The following TRIM2 variants were observed in gnomAD, a reference collection of about 807,000 sequenced individuals.
TRIM2 encodes tripartite motif containing 2, also known as tripartite motif-containing protein 2.
Under a neutral mutation model 75.2 loss-of-function variants are expected in TRIM2, and 20 were observed. That is an observed-to-expected ratio of 0.27 (90% CI 0.19 to 0.39). TRIM2 has a LOEUF of 0.39. Among genes scored for constraint, TRIM2 ranks in the 10% least tolerant of loss-of-function variants. The pLI, the probability that TRIM2 is intolerant of heterozygous loss-of-function variation, is 1.00. For missense variants in TRIM2, 660 were observed against 990.8 expected, an observed-to-expected ratio of 0.67 and a Z score of 4.48; for synonymous variants, 373 against 388.3, an observed-to-expected ratio of 0.96 and a Z score of 0.46.
At chr4:153,239,957 C>T (rs751825820) in intron 1 of TRIM2, among the ~76,000 whole-genome samples, 2 of 151,780 alleles carry the variant, frequency 1.3e-5, no homozygotes, top group Non-Finnish European at 2.9e-5. Flanking sequence ...GTCTCAGCCT[C>T]CCGAGTAGTT....
rs548680091 is a variant in TRIM2, at chr4:153,290,436, T to C, written c.454-2546T>C. Among the ~76,000 whole-genome samples, 8 of 152,204 alleles carry C rather than the reference T, an allele frequency of 5.3e-5. No homozygotes were observed. The South Asian group carries it at 1.2e-3, about 24-fold the overall frequency. On this transcript the variant is annotated intron_variant, in intron 3 of 11. Coordinates refer to ENST00000338700, the MANE Select transcript of TRIM2 (RefSeq NM_015271.5). ...AGTCTTCCCTCACTGGGGAAATCCC[T>C]TGGAAGTACCCCTTAGCTCATATTG... is the stretch of plus-strand genomic sequence containing the variant.
At chr4:153,245,876 GC>G (rs201334120) in intron 1 of TRIM2, among the ~76,000 whole-genome samples, 5,868 of 152,104 alleles carry the variant, frequency 0.039, 119 homozygotes, top group Non-Finnish European at 0.046. Flanking sequence ...ACAGGGTTTT[GC>G]CATGTTGCCC....
chr4:153,234,936 C>A (rs529251863), intron 1 of TRIM2, among the ~76,000 whole-genome samples: 1 of 152,188 alleles, frequency 6.6e-6, no homozygotes. Flanking sequence ...TAACCTTCCC[C>A]GTGCCCTGTC....
rs1158255544 is a variant in TRIM2, at chr4:153,336,437, A to G, written c.*1471A>G. On this transcript the variant is annotated 3_prime_UTR_variant, in exon 12 of 12. Transcript: ENST00000338700. ...TGAACTTGAGTTACATTTAATTTAA[A>G]TATAAATGCATTTTGAGAAATGTTA... The G allele has an allele frequency of 1.0e-6, 1 of 985,314 alleles. No individual in the cohort carries two copies. Among genetic ancestry groups the G allele is most frequent in the Non-Finnish European group, 1.2e-6 (1 of 829,620 alleles). The allele number at this position is 985,314 out of a possible 1,614,324, so 61.0% of individuals were successfully genotyped here. A position where few individuals can be genotyped will look rare whatever the true frequency, so the allele number is the denominator to read the frequency against.
chr4:153,210,120 A>G (rs1736580559), intron 1 of TRIM2, among the ~76,000 whole-genome samples: 1 of 138,398 alleles, frequency 7.2e-6, no homozygotes, highest in Non-Finnish European at 1.5e-5. Context: ...GCTGGAGAGC[A>G]GTGGCGAGAT....
intron 6 of TRIM2, among the ~76,000 whole-genome samples, chr4:153,296,712 T>C (rs1013570887): frequency 1.8e-4 from 28 of 152,170 alleles, no homozygotes; most frequent in African/African-American, 6.8e-4. Flanking sequence ...CTCCTCTGAT[T>C]TATGGTCTCT....
At chr4:153,247,048 G>T (rs1021339984) in intron 1 of TRIM2, among the ~76,000 whole-genome samples, 5 of 152,142 alleles carry the variant, frequency 3.3e-5, no homozygotes, top group African/African-American at 7.2e-5. Context: ...CAAAACTGAC[G>T]CTGGAAGGGG....
intron 1 of TRIM2, among the ~76,000 whole-genome samples, chr4:153,209,052 C>T (rs1736229083): frequency 6.6e-6 from 1 of 152,096 alleles, no homozygotes; most frequent in Non-Finnish European, 1.5e-5. Context: ...TTATGAAAAA[C>T]CCTGGGAAAA....
chr4:153,308,080 A>AAGTACCTATCTTG, intron 6 of TRIM2: 1 of 829,198 alleles, frequency 1.2e-6, no homozygotes, highest in Non-Finnish European at 2.1e-6. Context: ...TACCTATCAA[A>AAGTACCTATCTTG]TACTTTCTGG....
chr4:153,321,021 C>G (rs549685501), intron 8 of TRIM2, among the ~76,000 whole-genome samples: 22 of 152,342 alleles, frequency 1.4e-4, no homozygotes, highest in African/African-American at 5.0e-4. Context: ...TATAGTTTCC[C>G]TGACTTAACA....
chr4:153,318,716 C>A (rs994119313), intron 8 of TRIM2, among the ~76,000 whole-genome samples: 1 of 152,118 alleles, frequency 6.6e-6, no homozygotes, highest in African/African-American at 2.4e-5. Context: ...GAAGCTAATA[C>A]TAAAATAGGT....
At chr4:153,244,322 T>TTCCTCTTCC (rs1560873859) in intron 1 of TRIM2, among the ~76,000 whole-genome samples, 1 of 15,794 alleles carries the variant, frequency 6.3e-5, no homozygotes, top group Non-Finnish European at 1.0e-4. Context: ...CCTCCTCCTC[T>TTCCTCTTCC]TCTTCTTCTT....
chr4:153,198,283 G>A (rs1056376285), intron 1 of TRIM2, among the ~76,000 whole-genome samples: 3 of 152,120 alleles, frequency 2.0e-5, no homozygotes, highest in East Asian at 1.9e-4. Flanking sequence ...CAGAATTCCC[G>A]CATGTTGTGG....
upstream of TRIM2, among the ~76,000 whole-genome samples, chr4:153,203,103 CAAAAAA>C (rs200371158): frequency 2.3e-5 from 2 of 87,324 alleles, no homozygotes; most frequent in African/African-American, 3.2e-5. Context: ...GACTCCATCT[CAAAAAA>C]AAAAAAAAAA....
intron 11 of TRIM2, among the ~76,000 whole-genome samples, chr4:153,330,093 C>G (rs1009269191): frequency 2.6e-5 from 4 of 152,092 alleles, no homozygotes; most frequent in African/African-American, 7.2e-5. Context: ...GACAACTCCT[C>G]AAAAAATACC....
chr4:153,274,052 G>A (rs1757488575), intron 2 of TRIM2, among the ~76,000 whole-genome samples: 1 of 152,220 alleles, frequency 6.6e-6, no homozygotes, highest in African/African-American at 2.4e-5. Flanking sequence ...AAGTATGTAG[G>A]TGCTAGGCCA....
intron 1 of TRIM2, among the ~76,000 whole-genome samples, chr4:153,206,682 T>C (rs1735536190): frequency 1.3e-5 from 2 of 151,982 alleles, no homozygotes; most frequent in Admixed American, 6.6e-5. Flanking sequence ...CCCTCTTTGC[T>C]CCCTGGAAAC....
At chr4:153,173,787 A>G (rs1156978204) in intron 1 of TRIM2, among the ~76,000 whole-genome samples, 3 of 151,554 alleles carry the variant, frequency 2.0e-5, no homozygotes, top group Non-Finnish European at 4.4e-5. Flanking sequence ...ACCAACATGG[A>G]AAAACCCCAT....
chr4:153,194,912 C>T (rs1271796634), intron 1 of TRIM2, among the ~76,000 whole-genome samples: 1 of 152,194 alleles, frequency 6.6e-6, no homozygotes, highest in Non-Finnish European at 1.5e-5. Flanking sequence ...GAAAACCTCT[C>T]CAGCCCTGGA....
Sources: allele counts gnomAD v4.1 joint callset (sites outside exome capture counted in the v4.1 genomes callset), GRCh38; gene constraint gnomAD v4.1.1; transcripts MANE v1.5; gene names NCBI Gene and HGNC (gene_info 2026-07-23, HGNC 2026-07-21).